Variants in ADAD1 observed in about 807,000 individuals in gnomAD.
ADAD1 encodes adenosine deaminase domain-containing protein 1.
Under a neutral mutation model 66.8 loss-of-function variants are expected in ADAD1, and 46 were observed. The observed-to-expected ratio is 0.69, with a 90% CI of 0.54 to 0.88. The LOEUF (loss-of-function observed/expected upper bound fraction) is 0.88, where lower values mean the gene tolerates loss of function less well. ADAD1 is among the 40% of genes least tolerant of loss of function. The pLI is 0.00. For missense variants in ADAD1, 617 were observed against 681.8 expected, an observed-to-expected ratio of 0.91 and a Z score of 1.06; for synonymous variants, 248 against 229.4, an observed-to-expected ratio of 1.08 and a Z score of -0.73.
chr4:122,386,768 C>A (rs1312362734), intron 5 of ADAD1, among the ~76,000 whole-genome samples: 2 of 152,138 alleles, frequency 1.3e-5, no homozygotes, highest in African/African-American at 4.8e-5. Flanking sequence ...AGCCAGTTTT[C>A]CCAGCACCAT....
rs1451004485 is a variant in ADAD1, at chr4:122,383,985, A to G, written c.529+19A>G. 2.5e-6 allele frequency: 4 copies of G among 1,585,646 alleles called. No individual in the cohort carries two copies. The highest frequency in any genetic ancestry group is 1.4e-5 in the African/African-American group (1 of 73,464). ...ACATCAGGTAAATACTCTTGATTAT[A>G]AAGTATTTATAAGAGGTATCATTTT... On this transcript the variant is annotated intron_variant, in intron 5 of 12. Transcript: ENST00000296513.
intron 12 of ADAD1, among the ~76,000 whole-genome samples, chr4:122,427,279 G>A (rs1040125526): frequency 1.3e-4 from 20 of 152,114 alleles, no homozygotes; most frequent in African/African-American, 4.8e-4. Flanking sequence ...AAACACAGAG[G>A]AATAAATTTA....
intron 5 of ADAD1, 104 bp from the exon 6 acceptor site, chr4:122,393,485 A>G: frequency 9.6e-7 from 1 of 1,045,746 alleles, no homozygotes; most frequent in Non-Finnish European, 1.3e-6. Flanking sequence ...AAAAATACGG[A>G]AAAAAAAATT....
At chr4:122,386,792 GAT>G (rs1795195027) in intron 5 of ADAD1, among the ~76,000 whole-genome samples, 3 of 152,188 alleles carry the variant, frequency 2.0e-5, no homozygotes, top group South Asian at 4.1e-4. Flanking sequence ...CTGAATAGGA[GAT>G]CCTTTCCCTA....
chr4:122,427,857 T>C (rs1797324942), intron 12 of ADAD1, among the ~76,000 whole-genome samples: 1 of 152,084 alleles, frequency 6.6e-6, no homozygotes, highest in African/African-American at 2.4e-5. Flanking sequence ...ACCAAAAGAA[T>C]TTTGAAAAAG....
intron 6 of ADAD1, among the ~76,000 whole-genome samples, chr4:122,394,098 G>T (rs1795584476): frequency 6.6e-6 from 1 of 152,132 alleles, no homozygotes; most frequent in Admixed American, 6.5e-5. Flanking sequence ...CCTAGGACCA[G>T]TTACTTCTCT....
At chr4:122,413,953 T>C (rs1395899068) in intron 10 of ADAD1, among the ~76,000 whole-genome samples, 1 of 148,620 alleles carries the variant, frequency 6.7e-6, no homozygotes, top group Non-Finnish European at 1.5e-5. Flanking sequence ...AGTTTCGTGT[T>C]ATTTCAGATC....
intron 12 of ADAD1, among the ~76,000 whole-genome samples, chr4:122,423,066 C>T (rs1437768110): frequency 6.6e-6 from 1 of 151,304 alleles, no homozygotes; most frequent in Non-Finnish European, 1.5e-5. Flanking sequence ...TTTTCTCATT[C>T]ATTTTCTCAT....
chr4:122,404,358 C>G (rs2150568945), intron 7 of ADAD1, among the ~76,000 whole-genome samples: 1 of 152,228 alleles, frequency 6.6e-6, no homozygotes, highest in South Asian at 2.1e-4. Context: ...CTGGGATCTC[C>G]TACAGGGCTC....
At chr4:122,380,265 A>C (rs45592737) in intron 3 of ADAD1, 24 bp downstream of exon 3, 3 of 1,592,336 alleles carry the variant, frequency 1.9e-6, no homozygotes, top group Non-Finnish European at 2.6e-6. Flanking sequence ...CATTTGTAAC[A>C]ATGAGTCAGT....
At position 122,410,782 on chromosome 4, in the gene ADAD1, A is replaced by T. The variant is rs78319592; in HGVS notation, c.849-440A>T. On this transcript the variant is annotated intron_variant, in intron 8 of 12. Coordinates refer to ENST00000296513, the MANE Select transcript of ADAD1 (RefSeq NM_139243.4). ...CTTGTATTTTTTCTTTAAAACCATT[A>T]AGGAGCAGGGACCACAGTTTTTGTC... 7.5e-3 allele frequency among the ~76,000 whole-genome samples: 1,135 copies of T among 152,292 alleles called. 11 individuals are homozygous for T. The highest frequency in any genetic ancestry group is 0.029 in the South Asian group (138 of 4,824).
intron 4 of ADAD1, 147 bp from the exon 5 acceptor site, chr4:122,383,652 A>T: frequency 1.2e-6 from 1 of 845,552 alleles, no homozygotes; most frequent in Non-Finnish European, 1.8e-6. Context: ...TTTAACTCCT[A>T]TTGGTCCTAC....
intron 8 of ADAD1, among the ~76,000 whole-genome samples, chr4:122,408,977 A>G (rs1258931629): frequency 6.6e-6 from 1 of 152,156 alleles, no homozygotes; most frequent in Non-Finnish European, 1.5e-5. Context: ...TTTGACCCGC[A>G]CTAAGTAGGC....
At chr4:122,402,185 G>C (rs1796014310) in intron 7 of ADAD1, among the ~76,000 whole-genome samples, 1 of 151,974 alleles carries the variant, frequency 6.6e-6, no homozygotes. Flanking sequence ...ATTTAATACT[G>C]GCTTCGCAGT....
Position 122,429,225 on chromosome 4 carries a change from G to T in ADAD1, c.1618-401G>T, listed in dbSNP as rs567788488. ...AAGGTGGGAGGACCACTTGAGGCCA[G>T]GAGTTCAAGACCACCCTAGGCAACA... On this transcript the variant is annotated intron_variant, in intron 12 of 12. Transcript: ENST00000296513. Among the ~76,000 whole-genome samples, 3 of 151,924 alleles carry T rather than the reference G, an allele frequency of 2.0e-5. No individual in the cohort carries two copies. In the South Asian group the frequency reaches 6.2e-4, roughly 32 times the overall value.
chr4:122,389,680 C>G (rs1346600406), intron 5 of ADAD1, among the ~76,000 whole-genome samples: 1 of 152,116 alleles, frequency 6.6e-6, no homozygotes, highest in Non-Finnish European at 1.5e-5. Context: ...ATTGCAACCT[C>G]TGCTTTTTTC....
chr4:122,418,345 T>C lies in ADAD1; in HGVS notation c.1487+2729T>C, dbSNP rs539315864. On this transcript the variant is annotated intron_variant, in intron 11 of 12. Transcript: ENST00000296513. ...TTTTTTTTGAGACGGAGTCTTGCTC[T>C]GTCGCCCAGGCTGGAGTGCAGTGGC... Among the ~76,000 whole-genome samples the C allele has an allele frequency of 3.4e-5, 5 of 147,198 alleles. No homozygotes were observed. The South Asian group carries it at 6.7e-4, about 20-fold the overall frequency.
intron 12 of ADAD1, among the ~76,000 whole-genome samples, chr4:122,429,064 A>G (rs1003731261): frequency 1.3e-5 from 2 of 151,542 alleles, no homozygotes; most frequent in Non-Finnish European, 2.9e-5. Context: ...TTCCTTCTTT[A>G]TATTTTGTCT....
intron 6 of ADAD1, 125 bp from the exon 7 acceptor site, chr4:122,396,127 A>G (rs1795699618): frequency 2.6e-6 from 2 of 775,022 alleles, no homozygotes; most frequent in Non-Finnish European, 3.5e-6. Context: ...GACCTAAATT[A>G]TAAATTTGCT....
Sources: allele counts gnomAD v4.1 joint callset (sites outside exome capture counted in the v4.1 genomes callset), GRCh38; gene constraint gnomAD v4.1.1; transcripts MANE v1.5; gene names NCBI Gene and HGNC (gene_info 2026-07-23, HGNC 2026-07-21).